Variants in FMN2 observed in about 807,000 individuals in gnomAD.
FMN2 encodes the protein formin 2.
A neutral mutation model predicts 142.3 loss-of-function variants in FMN2; 51 were observed. The ratio of observed to expected loss-of-function variants is 0.36; its 90% CI spans 0.29 to 0.45. FMN2 has a LOEUF of 0.45. FMN2 is among the 20% of genes least tolerant of loss of function. The pLI, the probability that FMN2 is intolerant of heterozygous loss-of-function variation, is 1.00. For synonymous variants in FMN2, 882 were observed against 869.8 expected, an observed-to-expected ratio of 1.01 and a Z score of -0.25; for missense variants, 1,936 against 2,122.8, an observed-to-expected ratio of 0.91 and a Z score of 1.73.
chr1:240,170,141 A>T, intron 2 of FMN2: 1 of 716,804 alleles, frequency 1.4e-6, no homozygotes, highest in Non-Finnish European at 2.4e-6. Flanking sequence ...TATACAGTCC[A>T]TCCCTGGCGC....
intron 2 of FMN2, among the ~76,000 whole-genome samples, chr1:240,169,173 A>T (rs997856464): frequency 6.6e-6 from 1 of 152,196 alleles, no homozygotes; most frequent in Non-Finnish European, 1.5e-5. Context: ...AAACAAACAC[A>T]AACTCAAAAT....
chr1:240,293,465 T>G (rs1348150140), intron 7 of FMN2, among the ~76,000 whole-genome samples: 1 of 152,204 alleles, frequency 6.6e-6, no homozygotes. Context: ...AGAAGATAAT[T>G]CCATACATAA....
intron 6 of FMN2, among the ~76,000 whole-genome samples, chr1:240,237,729 A>C (rs764269067): frequency 6.7e-6 from 1 of 149,512 alleles, no homozygotes; most frequent in Admixed American, 6.7e-5. Flanking sequence ...TGGGCTTAGT[A>C]CTTTATCTTG....
chr1:240,145,677 T>C (rs1348065201), intron 2 of FMN2, among the ~76,000 whole-genome samples: 2 of 151,456 alleles, frequency 1.3e-5, no homozygotes, highest in African/African-American at 4.9e-5. Context: ...ACTCTGCTAA[T>C]TTTTATATTT....
At chr1:240,254,635 G>A (rs1025944454) in intron 6 of FMN2, among the ~76,000 whole-genome samples, 3 of 152,114 alleles carry the variant, frequency 2.0e-5, no homozygotes, top group African/African-American at 7.2e-5. Context: ...GGAGGGTGGA[G>A]TTACCATGGC....
intron 7 of FMN2, among the ~76,000 whole-genome samples, chr1:240,273,974 T>C (rs1428491005): frequency 6.6e-6 from 1 of 152,082 alleles, no homozygotes; most frequent in African/African-American, 2.4e-5. Flanking sequence ...CCCTGTTGTT[T>C]CCACAAAGAA....
intron 8 of FMN2, among the ~76,000 whole-genome samples, chr1:240,316,060 C>A (rs190876730): frequency 6.6e-6 from 1 of 152,122 alleles, no homozygotes; most frequent in Non-Finnish European, 1.5e-5. Context: ...TTAGAGTGAA[C>A]CTACTGTGTG....
chr1:240,419,299 T>C (rs1197534100), intron 15 of FMN2, among the ~76,000 whole-genome samples: 1 of 152,234 alleles, frequency 6.6e-6, no homozygotes. Context: ...GTAATGCTTT[T>C]TGCCTAAATT....
In FMN2 at chr1:240,330,767, G is replaced by A. The variant is rs1280293327; in HGVS notation, c.4584+18G>A. 1 of 1,612,512 alleles carries A rather than the reference G, an allele frequency of 6.2e-7. No individual in the cohort carries two copies. The highest frequency in any genetic ancestry group is 8.5e-7 in the Non-Finnish European group (1 of 1,179,284). ...AGAGCAGTGTAAGTATTTTGCATGA[G>A]TGGACGTAAGCACATTGAGGAGTCA... On this transcript the variant is annotated intron_variant, in intron 11 of 17. Transcript: ENST00000319653.
intron 6 of FMN2, chr1:240,245,583 T>G (rs1173281149): frequency 4.2e-6 from 2 of 471,116 alleles, no homozygotes. Flanking sequence ...TCTGGTTTTT[T>G]TATGGTTTTC....
At chr1:240,357,793 G>A (rs996306252) in intron 14 of FMN2, among the ~76,000 whole-genome samples, 5 of 152,034 alleles carry the variant, frequency 3.3e-5, no homozygotes, top group African/African-American at 1.2e-4. Flanking sequence ...ATTTTTAGTA[G>A]AGACGGGTTT....
At chr1:240,186,757 G>A (rs1271947499) in intron 3 of FMN2, among the ~76,000 whole-genome samples, 1 of 152,206 alleles carries the variant, frequency 6.6e-6, no homozygotes, top group African/African-American at 2.4e-5. Flanking sequence ...TGGGACAGAT[G>A]GAGGTGGGTA....
At chr1:240,262,080 T>A in intron 7 of FMN2, among the ~76,000 whole-genome samples, 1 of 152,176 alleles carries the variant, frequency 6.6e-6, no homozygotes, top group South Asian at 2.1e-4. Flanking sequence ...ATAGCCCTTT[T>A]TTTTAATTAT....
chr1:240,319,343 G>T (rs1038766054), intron 8 of FMN2, among the ~76,000 whole-genome samples: 25 of 152,184 alleles, frequency 1.6e-4, no homozygotes, highest in African/African-American at 5.3e-4. Flanking sequence ...ACTCGTAGAA[G>T]TTTGGCCAGC....
chr1:240,427,172 TA>T (rs1351434463), intron 15 of FMN2, among the ~76,000 whole-genome samples: 2 of 9,678 alleles, frequency 2.1e-4, no homozygotes, highest in Non-Finnish European at 3.9e-4. Flanking sequence ...CAACTGATTT[TA>T]TATATATATA....
At chr1:240,459,717 TAAAA>T (rs57065226) in intron 16 of FMN2, among the ~76,000 whole-genome samples, 15 of 67,108 alleles carry the variant, frequency 2.2e-4, no homozygotes, top group African/African-American at 5.6e-4. Flanking sequence ...ACTCTGTCTC[TAAAA>T]AAAAAAAAAA....
At chr1:240,430,970 T>C (rs991873103) in intron 15 of FMN2, among the ~76,000 whole-genome samples, 1 of 149,252 alleles carries the variant, frequency 6.7e-6, no homozygotes, top group Admixed American at 6.6e-5. Flanking sequence ...AGAATCAGCA[T>C]ATCAGTCCCT....
intron 4 of FMN2, among the ~76,000 whole-genome samples, chr1:240,191,750 C>T (rs1665708875): frequency 6.6e-6 from 1 of 152,094 alleles, no homozygotes. Flanking sequence ...TAACTTTTTG[C>T]TTTTGAAATT....
chr1:240,470,932 T>C (rs1676787035), intron 16 of FMN2, among the ~76,000 whole-genome samples: 1 of 152,184 alleles, frequency 6.6e-6, no homozygotes, highest in African/African-American at 2.4e-5. Context: ...AAAGAACTTT[T>C]TAAATAAAAT....
Sources: gnomAD v4.1 joint callset for allele counts (sites outside exome capture counted in the v4.1 genomes callset) on GRCh38, gnomAD v4.1.1 for gene constraint, MANE v1.5 for transcripts, NCBI Gene and HGNC (gene_info 2026-07-23, HGNC 2026-07-21) for gene names.